Variants in CHD2 observed in about 807,000 individuals in gnomAD.
CHD2 encodes the protein ATP-dependent chromatin remodeler CHD2.
A neutral mutation model predicts 243.9 loss-of-function variants in CHD2; 28 were observed. That is an observed-to-expected ratio of 0.11 (90% confidence interval 0.09 to 0.16). The LOEUF (loss-of-function observed/expected upper bound fraction) is 0.16, where lower values mean the gene tolerates loss of function less well. CHD2 is among the 10% of genes least tolerant of loss of function. CHD2 has a pLI of 1.00. For missense variants in CHD2, 1,386 were observed against 2,209.8 expected (o/e 0.63, Z 7.47); for synonymous variants, 775 against 779.0 (o/e 0.99, Z 0.09).
intron 2 of CHD2, among the ~76,000 whole-genome samples, chr15:92,908,454 A>T (rs2141711614): frequency 6.6e-6 from 1 of 152,232 alleles, no homozygotes; most frequent in East Asian, 1.9e-4. Flanking sequence ...TATAGGTCAG[A>T]TGGGTTCTAC....
At chr15:92,932,536 G>A (rs1057507290) in intron 5 of CHD2, among the ~76,000 whole-genome samples, 13 of 143,082 alleles carry the variant, frequency 9.1e-5, no homozygotes, top group Non-Finnish European at 1.9e-4. Context: ...GAGTGAGAAC[G>A]TGCGGTGTTT....
chr15:93,023,407 C>T (rs935585520), intron 38 of CHD2, among the ~76,000 whole-genome samples: 1 of 152,190 alleles, frequency 6.6e-6, no homozygotes, highest in Admixed American at 6.5e-5. Flanking sequence ...TTTGTTTATC[C>T]ATTCATCTGT....
intron 6 of CHD2, among the ~76,000 whole-genome samples, chr15:92,939,130 A>T (rs2053316099): frequency 6.6e-6 from 1 of 152,058 alleles, no homozygotes; most frequent in Non-Finnish European, 1.5e-5. Flanking sequence ...TTGTTGTTGC[A>T]AATAATGCTA....
intron 32 of CHD2, among the ~76,000 whole-genome samples, chr15:93,001,407 T>C (rs1428072511): frequency 1.3e-5 from 2 of 152,214 alleles, no homozygotes; most frequent in Non-Finnish European, 1.5e-5. Flanking sequence ...GTGACAACTT[T>C]ATGGAATTTC....
intron 2 of CHD2, among the ~76,000 whole-genome samples, chr15:92,920,138 A>T (rs561927469): frequency 6.8e-6 from 1 of 146,956 alleles, no homozygotes; most frequent in Non-Finnish European, 1.6e-5. Context: ...ATGCTGACAG[A>T]AAAACGGCTT....
Position 92,978,101 on chromosome 15 carries a change from C to T in CHD2, c.2578-133C>T, listed in dbSNP as rs536429471. On this transcript the variant is annotated intron_variant, in intron 20 of 38. Transcript: ENST00000394196. ...ATCAAGTCCCTGACATTCTTTTAGC[C>T]TCCATAAAGTTTGTCCATCATATCT... is the stretch of plus-strand genomic sequence containing the variant. 62 of 984,540 alleles carry T rather than the reference C, an allele frequency of 6.3e-5. 1 individual carries two copies. Among genetic ancestry groups the T allele is most frequent in the Non-Finnish European group, 8.5e-5 (54 of 638,096 alleles). The allele number at this position is 984,540 out of a possible 1,614,324, so 61.0% of individuals were successfully genotyped here. A position where few individuals can be genotyped will look rare whatever the true frequency, so the allele number is the denominator to read the frequency against.
At chr15:92,967,218 A>T (rs1182119263) in intron 16 of CHD2, 107 bp from the exon 17 acceptor site, 2 of 768,662 alleles carry the variant, frequency 2.6e-6, no homozygotes, top group Non-Finnish European at 4.1e-6. Flanking sequence ...AGCTCTAGTG[A>T]TTGATAATGT....
At chr15:92,939,903 G>C (rs1164008063) in intron 7 of CHD2, among the ~76,000 whole-genome samples, 185 bp downstream of exon 7, 4 of 152,150 alleles carry the variant, frequency 2.6e-5, no homozygotes, top group Non-Finnish European at 5.9e-5. Context: ...AGGGGAATAG[G>C]AAAAGAGTAG....
intron 5 of CHD2, among the ~76,000 whole-genome samples, chr15:92,933,685 A>G (rs1057001729): frequency 6.6e-6 from 1 of 152,164 alleles, no homozygotes; most frequent in Non-Finnish European, 1.5e-5. Context: ...AGCTCACTGC[A>G]GCTTTGACCT....
At chr15:92,919,623 C>A (rs919684264) in intron 2 of CHD2, among the ~76,000 whole-genome samples, 1 of 152,146 alleles carries the variant, frequency 6.6e-6, no homozygotes, top group Non-Finnish European at 1.5e-5. Flanking sequence ...CATCTCCTGA[C>A]CTCATGATCT....
chr15:92,919,103 G>A (rs1596375257), intron 2 of CHD2, among the ~76,000 whole-genome samples: 1 of 151,614 alleles, frequency 6.6e-6, no homozygotes, highest in South Asian at 2.1e-4. Context: ...TGTTCCACCC[G>A]CCTGGGCCTC....
rs372887390 is a variant in CHD2, at chr15:93,017,384, G to A, written c.4906+2475G>A. ...GTCACCCAGGCTGGAGTGTAGCGGC[G>A]GCACGATCTTGGCTCACTGCAACCT... On this transcript the variant is annotated intron_variant, in intron 37 of 38. Transcript: ENST00000394196. 2.7e-4 allele frequency among the ~76,000 whole-genome samples: 41 copies of A among 151,636 alleles called. No homozygotes were observed. The East Asian group carries it at 7.2e-3, about 26-fold the overall frequency.
rs2053324302 is a variant in CHD2 at position 92,939,581 on chromosome 15, A to G, written c.555A>G (p.Thr185=). 6.2e-7 allele frequency: 1 copy of G among 1,612,690 alleles called. No individual in the cohort carries two copies. The highest frequency in any genetic ancestry group is 8.5e-7 in the Non-Finnish European group (1 of 1,179,614). ...TTTGTTTCTCTTCTCATTTTAGAAC[A>G]GTGCCCAAACCTCGTGTTAAAAAGC... ...VKARRPVPRR[T]VPKPRVKKQP... is the part of the protein sequence containing the mutation. Residue 185 remains threonine, a synonymous_variant, in exon 7 of 39, where the codon ACA becomes ACG. Transcript: ENST00000394196.
intron 2 of CHD2, among the ~76,000 whole-genome samples, chr15:92,922,463 T>C (rs949587070): frequency 1.3e-5 from 2 of 152,172 alleles, no homozygotes; most frequent in Admixed American, 6.5e-5. Flanking sequence ...TTTTTCTCAT[T>C]GCTTCCTCAT....
chr15:92,961,484 C>G (rs916130654), intron 16 of CHD2, among the ~76,000 whole-genome samples: 1 of 152,192 alleles, frequency 6.6e-6, no homozygotes, highest in Non-Finnish European at 1.5e-5. Flanking sequence ...ACTGTAACCT[C>G]GAACTCCTGG....
rs556513890 is a variant in CHD2, at chr15:92,996,887, C to T, written c.3596-70C>T. 7.5e-6 allele frequency: 11 copies of T among 1,460,438 alleles called. No homozygotes were observed. In the African/African-American group the frequency reaches 8.5e-5, roughly 11 times the overall value. 90.5% of individuals were successfully genotyped at this position (1,460,438 alleles called of 1,614,324 possible). A position where few individuals can be genotyped will look rare whatever the true frequency, so the allele number is the denominator to read the frequency against. ...TCAGAGAGACTAAGAGGTCAGGGTT[C>T]GTTGATACATGTTTTCTGTGGAACT... On this transcript the variant is annotated intron_variant, in intron 28 of 38. Transcript: ENST00000394196.
At chr15:92,912,894 T>C (rs989265008) in intron 2 of CHD2, among the ~76,000 whole-genome samples, 1 of 152,210 alleles carries the variant, frequency 6.6e-6, no homozygotes, top group African/African-American at 2.4e-5. Flanking sequence ...TAGATGCAGG[T>C]TGGCATTCAA....
At chr15:92,991,557 G>A in intron 27 of CHD2, 40 bp downstream of exon 27, 1 of 1,484,312 alleles carries the variant, frequency 6.7e-7, no homozygotes, top group Non-Finnish European at 9.2e-7. Context: ...CCTCTTTTTT[G>A]CTTTTATTAT....
intron 6 of CHD2, among the ~76,000 whole-genome samples, chr15:92,939,338 G>T (rs1218112198): frequency 6.6e-6 from 1 of 152,094 alleles, no homozygotes; most frequent in African/African-American, 2.4e-5. Context: ...AAACATTCAC[G>T]TTCTTTCCCA....
Sources: gnomAD v4.1 joint callset for allele counts (sites outside exome capture counted in the v4.1 genomes callset) on GRCh38, gnomAD v4.1.1 for gene constraint, MANE v1.5 for transcripts, NCBI Gene and HGNC (gene_info 2026-07-23, HGNC 2026-07-21) for gene names.